The following JOSD2 variants were observed in gnomAD, a reference collection of about 807,000 sequenced individuals.
The protein encoded by JOSD2 is Josephin domain containing 2.
In JOSD2, 20 loss-of-function variants were observed where a neutral mutation model predicts 19.3. The observed-to-expected ratio is 1.04, with a 90% CI of 0.73 to 1.51. JOSD2 has a LOEUF of 1.51. Ranked by LOEUF, JOSD2 falls within the 40% of genes most tolerant of loss-of-function variation. The probability of loss-of-function intolerance (pLI) is 0.00; values close to 1 mark genes in which losing one functional copy is unlikely to be tolerated. For missense variants in JOSD2, 215 were observed against 250.4 expected (o/e 0.86, Z 0.95); for synonymous variants, 118 against 123.7 (o/e 0.95, Z 0.31).
At chr19:50,506,692 G>C in intron 3 of JOSD2, 120 bp from the exon 4 acceptor site, 1 of 892,590 alleles carries the variant, frequency 1.1e-6, no homozygotes, top group Non-Finnish European at 1.6e-6. Context: ...ACCCAGAGGT[G>C]TTCCTTAATC....
intron 2 of JOSD2, 121 bp from the exon 3 acceptor site, chr19:50,507,820 A>C: frequency 1.6e-6 from 2 of 1,234,506 alleles, no homozygotes; most frequent in Non-Finnish European, 2.2e-6. Context: ...AGACCCCACA[A>C]CTCATCCACC....
chr19:50,508,526 C>T (rs559202242), intron 2 of JOSD2, among the ~76,000 whole-genome samples: 3 of 152,156 alleles, frequency 2.0e-5, no homozygotes, highest in African/African-American at 7.2e-5. Flanking sequence ...CAGCCACATC[C>T]CCGGTGCCCA....
At chr19:50,509,724 C>T (rs1274086723) in intron 2 of JOSD2, among the ~76,000 whole-genome samples, 5 of 152,068 alleles carry the variant, frequency 3.3e-5, no homozygotes, top group African/African-American at 1.2e-4. Flanking sequence ...CACTTAAGCT[C>T]AGGAGTTCAA....
chr19:50,508,355 CTGCT>C (rs1429021723), intron 2 of JOSD2, among the ~76,000 whole-genome samples: 11 of 152,194 alleles, frequency 7.2e-5, no homozygotes, highest in African/African-American at 2.7e-4. Flanking sequence ...TGATTTAACA[CTGCT>C]TGCTTCTCCC....
At position 50,506,041 on chromosome 19, in the gene JOSD2, G is replaced by GA. The variant is rs2122701585; in HGVS notation, c.*131dup. 6.6e-6 allele frequency: 5 copies of GA among 759,490 alleles called. No homozygotes were observed. In the East Asian group the frequency reaches 1.4e-4, roughly 21 times the overall value. 47.0% of individuals were successfully genotyped at this position (759,490 alleles called of 1,614,324 possible). A position where few individuals can be genotyped will look rare whatever the true frequency, so the allele number is the denominator to read the frequency against. On this transcript the variant is annotated 3_prime_UTR_variant, in exon 5 of 5. Coordinates refer to ENST00000598418, the MANE Select transcript of JOSD2 (RefSeq NM_001270639.2). ...TTATTGAGGCAGCAGCGGCAGTGGG[G>GA]AGCAGGGGTGTGGGGAGGGGGCGGG...
rs200115417 is a variant in JOSD2 at position 50,506,152 on chromosome 19, G to T, written c.*21C>A. ...GGGGATGCGCAGGGACTGCGCTGTG[G>T]GCGCCGATGGTCAGCCATGGTCAGT... On this transcript the variant is annotated 3_prime_UTR_variant, in exon 5 of 5. Transcript: ENST00000598418. 105 of 1,609,378 alleles carry T rather than the reference G, an allele frequency of 6.5e-5. No individual in the cohort carries two copies. The highest frequency in any genetic ancestry group is 8.6e-5 in the Non-Finnish European group (101 of 1,177,694).
In JOSD2 at chr19:50,510,175, C is replaced by T. The variant is rs1486131916; in HGVS notation, c.146+111G>A. 3.1e-6 allele frequency: 4 copies of T among 1,304,402 alleles called. No individual in the cohort carries two copies. The African/African-American group carries it at 4.4e-5, about 14-fold the overall frequency. The allele number at this position is 1,304,402 out of a possible 1,614,324, so 80.8% of individuals were successfully genotyped here. ...CCAGCGTCTAGCTTAGGCAAGTGAG[C>T]GCGGAGCAGAAGAAAGCCCCCAAGG... On this transcript the variant is annotated intron_variant, in intron 2 of 4. Transcript: ENST00000598418.
chr19:50,507,861 G>T, intron 2 of JOSD2, 162 bp from the exon 3 acceptor site: 2 of 846,428 alleles, frequency 2.4e-6, no homozygotes, highest in Non-Finnish European at 3.6e-6. Flanking sequence ...CCCCAATTCT[G>T]CCCTGTCCCC....
At chr19:50,510,518 T>C in intron 1 of JOSD2, 70 bp from the exon 2 acceptor site, 2 of 1,421,000 alleles carry the variant, frequency 1.4e-6, no homozygotes, top group Non-Finnish European at 1.9e-6. Flanking sequence ...CAGCAGGCCT[T>C]TGGGGCATCG....
intron 2 of JOSD2, 148 bp downstream of exon 2, chr19:50,510,138 C>G: frequency 1.2e-6 from 1 of 838,706 alleles, no homozygotes; most frequent in African/African-American, 1.7e-5. Flanking sequence ...GAGGCAACAT[C>G]TCCCCAGAGT....
At chr19:50,506,715 TC>T in intron 3 of JOSD2, 143 bp from the exon 4 acceptor site, 1 of 728,748 alleles carries the variant, frequency 1.4e-6, no homozygotes. Context: ...CCACCCTGGT[TC>T]CCGACACTCA....
chr19:50,510,240 C>G, intron 2 of JOSD2, 46 bp downstream of exon 2: 1 of 1,612,250 alleles, frequency 6.2e-7, no homozygotes, highest in Non-Finnish European at 8.5e-7. Flanking sequence ...GTGGGTCACT[C>G]CGCCAGAGCT....
intron 3 of JOSD2, 108 bp from the exon 4 acceptor site, chr19:50,506,680 C>T (rs1979372462): frequency 9.8e-7 from 1 of 1,020,790 alleles, no homozygotes; most frequent in Admixed American, 2.8e-5. Flanking sequence ...CCTCCTGAGC[C>T]CACCCAGAGG....
rs1979338510 is a variant in JOSD2 at position 50,506,397 on chromosome 19, C to T, written c.448G>A (p.Gly150Arg). The change falls in exon 4 of 5, where the codon GGG becomes AGG. Residue 150 changes from glycine (G) to arginine (R), a missense_variant. Physicochemically the swap from Gly to Arg is moderately radical, Grantham distance 125 (BLOSUM62 -2). Transcript: ENST00000598418. ...GCTCACCTGACTCCGTCCTCATCCC[C>T]CAGGGCCTCGGGCGCCCGCAGCTTG... is the stretch of plus-strand genomic sequence containing the variant. ...DSKLRAPEAL[G>R]DEDGVRAFLA... is the part of the protein sequence containing the mutation. The T allele has an allele frequency of 6.2e-7, 1 of 1,606,386 alleles. No homozygotes were observed. The highest frequency in any genetic ancestry group is 1.1e-5 in the South Asian group (1 of 90,182).
intron 2 of JOSD2, 192 bp downstream of exon 2, chr19:50,510,094 C>A: frequency 3.9e-6 from 2 of 517,776 alleles, no homozygotes; most frequent in South Asian, 4.1e-5. Flanking sequence ...TGAGGTCTGG[C>A]TGGGGCTGAG....
At chr19:50,509,957 G>A (rs1979646046) in intron 2 of JOSD2, among the ~76,000 whole-genome samples, 1 of 150,496 alleles carries the variant, frequency 6.6e-6, no homozygotes, top group African/African-American at 2.5e-5. Context: ...GGAGGCTGAG[G>A]CAGGAGAATG....
rs552739595 is a variant in JOSD2, at chr19:50,509,781, C to T, written c.146+505G>A. ...AAAGAAAGAACCACTGGGCCGGGTG[C>T]AGTGGCTCACGCCTGTAATCCTAGC... On this transcript the variant is annotated intron_variant, in intron 2 of 4. Coordinates refer to ENST00000598418, the MANE Select transcript of JOSD2 (RefSeq NM_001270639.2). 1.9e-3 allele frequency among the ~76,000 whole-genome samples: 286 copies of T among 151,988 alleles called. 1 individual carries two copies. The highest frequency in any genetic ancestry group is 6.6e-3 in the African/African-American group (272 of 41,470).
rs561315916 is a variant in JOSD2 at position 50,507,449 on chromosome 19, C to T, written c.272+125G>A. On this transcript the variant is annotated intron_variant, in intron 3 of 4. Transcript: ENST00000598418. Reference sequence around the variant, plus strand: ...ATCTCCCCCTTTCAACCCATCAGTGCCAGGCTTCCCACATTCATGCCAACC... The same window carrying T: ...ATCTCCCCCTTTCAACCCATCAGTGTCAGGCTTCCCACATTCATGCCAACC... The T allele has an allele frequency of 1.1e-3, 1,515 of 1,345,934 alleles. 2 individuals are homozygous for T. Among genetic ancestry groups the T allele is most frequent in the Non-Finnish European group, 1.4e-3 (1,396 of 992,046 alleles). The allele number at this position is 1,345,934 out of a possible 1,614,324, so 83.4% of individuals were successfully genotyped here.
chr19:50,509,618 G>A (rs1442934019), intron 2 of JOSD2, among the ~76,000 whole-genome samples: 3 of 152,130 alleles, frequency 2.0e-5, no homozygotes, highest in African/African-American at 7.2e-5. Flanking sequence ...GCGTGTTTAG[G>A]ATGGACTGGA....
Sources: gnomAD v4.1 joint callset for allele counts (sites outside exome capture counted in the v4.1 genomes callset) on GRCh38, gnomAD v4.1.1 for gene constraint, MANE v1.5 for transcripts, NCBI Gene and HGNC (gene_info 2026-07-23, HGNC 2026-07-21) for gene names.